Variants in DOCK7 observed in about 807,000 individuals in gnomAD.
DOCK7 encodes dedicator of cytokinesis protein 7.
In DOCK7, 138 loss-of-function variants were observed where a neutral mutation model predicts 271.0. That is an observed-to-expected ratio of 0.51 (90% CI 0.44 to 0.59). The LOEUF (loss-of-function observed/expected upper bound fraction) is 0.59. Among genes scored for constraint, DOCK7 ranks in the 20% least tolerant of loss-of-function variants. DOCK7 has a pLI of 0.00. For synonymous variants in DOCK7, 823 were observed against 876.1 expected, an observed-to-expected ratio of 0.94 and a Z score of 1.07; for missense variants, 2,066 against 2,592.4, an observed-to-expected ratio of 0.80 and a Z score of 4.41.
At chr1:62,674,417 A>G (rs150637504) in intron 1 of DOCK7, among the ~76,000 whole-genome samples, 24 of 152,308 alleles carry the variant, frequency 1.6e-4, no homozygotes, top group African/African-American at 5.5e-4. Flanking sequence ...AAATCCCAAC[A>G]AGACTTTGCA....
chr1:62,469,981 T>TA (rs2149249017), intron 48 of DOCK7, among the ~76,000 whole-genome samples: 1 of 151,470 alleles, frequency 6.6e-6, no homozygotes, highest in African/African-American at 2.4e-5. Context: ...GGTGGGAATG[T>TA]AAACTAGTAC....
intron 14 of DOCK7, among the ~76,000 whole-genome samples, chr1:62,593,214 C>T (rs1157864907): frequency 2.0e-5 from 3 of 152,044 alleles, no homozygotes; most frequent in Non-Finnish European, 4.4e-5. Flanking sequence ...TTAATAGAGT[C>T]GAGATTTTTA....
chr1:62,487,530 T>G, intron 42 of DOCK7, 118 bp from the exon 43 acceptor site: 1 of 846,774 alleles, frequency 1.2e-6, no homozygotes, highest in Non-Finnish European at 1.9e-6. Flanking sequence ...AGCAGGATAT[T>G]TTAAACAGCA....
At chr1:62,561,054 G>C (rs2149443177) in intron 19 of DOCK7, among the ~76,000 whole-genome samples, 1 of 152,234 alleles carries the variant, frequency 6.6e-6, no homozygotes, top group Admixed American at 6.5e-5. Flanking sequence ...GCTGGGCGTA[G>C]GCAGTAATAA....
chr1:62,685,733 A>G (rs1661651734), intron 1 of DOCK7, among the ~76,000 whole-genome samples: 1 of 152,008 alleles, frequency 6.6e-6, no homozygotes, highest in Admixed American at 6.6e-5. Context: ...TCCCAATCTC[A>G]AACTCCTTTT....
intron 14 of DOCK7, 83 bp from the exon 15 acceptor site, chr1:62,586,707 G>A (rs890812119): frequency 5.3e-6 from 4 of 755,278 alleles, no homozygotes; most frequent in Non-Finnish European, 8.4e-6. Context: ...CAAAATAAGT[G>A]ACCAAATACT....
intron 12 of DOCK7, among the ~76,000 whole-genome samples, chr1:62,623,101 C>G (rs1653493985): frequency 6.6e-6 from 1 of 152,120 alleles, no homozygotes; most frequent in Non-Finnish European, 1.5e-5. Flanking sequence ...TACATAAACA[C>G]TAATGATTAC....
intron 48 of DOCK7, among the ~76,000 whole-genome samples, chr1:62,463,264 C>G (rs1645582996): frequency 6.6e-6 from 1 of 151,988 alleles, no homozygotes; most frequent in African/African-American, 2.4e-5. Flanking sequence ...AAATTTAATC[C>G]ACGACTACCT....
chr1:62,564,027 T>C (rs1332650013), intron 18 of DOCK7, among the ~76,000 whole-genome samples: 2 of 151,718 alleles, frequency 1.3e-5, no homozygotes. Flanking sequence ...CTAACTAACC[T>C]AAATATATAT....
At chr1:62,524,501 AT>A (rs1644941201) in intron 31 of DOCK7, among the ~76,000 whole-genome samples, 3 of 152,232 alleles carry the variant, frequency 2.0e-5, no homozygotes, top group Non-Finnish European at 4.4e-5. Context: ...AAATAAACTG[AT>A]TTATAGTTAG....
At chr1:62,661,725 G>A (rs2149713550) in intron 2 of DOCK7, among the ~76,000 whole-genome samples, 1 of 152,170 alleles carries the variant, frequency 6.6e-6, no homozygotes, top group African/African-American at 2.4e-5. Context: ...ACCAGAACAA[G>A]AAGGCCATAA....
chr1:62,459,828 A>G (rs146893751), intron 48 of DOCK7, among the ~76,000 whole-genome samples: 13 of 152,198 alleles, frequency 8.5e-5, no homozygotes, highest in East Asian at 7.7e-4. Context: ...GGCCGGGTGC[A>G]GTGGCTCATG....
intron 43 of DOCK7, among the ~76,000 whole-genome samples, chr1:62,479,972 G>A (rs1354306175): frequency 6.6e-6 from 1 of 152,120 alleles, no homozygotes; most frequent in East Asian, 1.9e-4. Flanking sequence ...GGTGTGACCT[G>A]TAATATTAAT....
At chr1:62,595,862 G>A (rs895739617) in intron 14 of DOCK7, among the ~76,000 whole-genome samples, 5 of 152,096 alleles carry the variant, frequency 3.3e-5, no homozygotes, top group African/African-American at 7.2e-5. Context: ...CCAGGAGTTC[G>A]TGGCTATAGT....
chr1:62,607,344 C>A (rs1651150809), intron 14 of DOCK7, among the ~76,000 whole-genome samples: 1 of 152,204 alleles, frequency 6.6e-6, no homozygotes, highest in Non-Finnish European at 1.5e-5. Flanking sequence ...GTCACAGAAG[C>A]CTGGAACCCG....
intron 37 of DOCK7, among the ~76,000 whole-genome samples, chr1:62,502,111 A>G (rs1646801157): frequency 1.3e-5 from 2 of 152,122 alleles, no homozygotes; most frequent in South Asian, 4.1e-4. Context: ...TCTGGCTACT[A>G]GATATTCATT....
chr1:62,618,471 C>A (rs1652729485), intron 14 of DOCK7, among the ~76,000 whole-genome samples: 1 of 152,024 alleles, frequency 6.6e-6, no homozygotes, highest in African/African-American at 2.4e-5. Flanking sequence ...AAATCCACCT[C>A]AAATAATGAG....
chr1:62,588,207 T>C (rs1011688512), intron 14 of DOCK7, among the ~76,000 whole-genome samples: 1 of 152,174 alleles, frequency 6.6e-6, no homozygotes, highest in Non-Finnish European at 1.5e-5. Flanking sequence ...AAGAAAACAT[T>C]TGCTGATTGC....
chr1:62,596,003 T>C (rs968860055), intron 14 of DOCK7, among the ~76,000 whole-genome samples: 3 of 152,182 alleles, frequency 2.0e-5, no homozygotes, highest in African/African-American at 7.2e-5. Context: ...TTTATTATGA[T>C]AAAACTTTTC....
Sources: allele counts gnomAD v4.1 joint callset (sites outside exome capture counted in the v4.1 genomes callset), GRCh38; gene constraint gnomAD v4.1.1; transcripts MANE v1.5; gene names NCBI Gene and HGNC (gene_info 2026-07-23, HGNC 2026-07-21).